Variants in RLN1 observed in about 807,000 individuals in gnomAD.
RLN1 encodes prorelaxin H1.
A neutral mutation model predicts 7.2 loss-of-function variants in RLN1; 4 were observed. That is an observed-to-expected ratio of 0.56 (90% confidence interval 0.28 to 1.28). The LOEUF (loss-of-function observed/expected upper bound fraction) is 1.28, where lower values mean the gene tolerates loss of function less well. RLN1 is among the 50% of genes most tolerant of loss of function. The pLI, the probability that RLN1 is intolerant of heterozygous loss-of-function variation, is 0.11. For missense variants in RLN1, 293 were observed against 221.1 expected (o/e 1.32, Z -2.06); for synonymous variants, 105 against 86.0 (o/e 1.22, Z -1.22).
chr9:5,340,163 C>T (rs1168026171), upstream of RLN1, among the ~76,000 whole-genome samples: 1 of 152,144 alleles, frequency 6.6e-6, no homozygotes, highest in Admixed American at 6.6e-5. Context: ...CCCAGTTTTC[C>T]AGAGTGAACA....
upstream of RLN1, among the ~76,000 whole-genome samples, chr9:5,340,729 G>A (rs1357747481): frequency 1.3e-5 from 2 of 152,142 alleles, no homozygotes; most frequent in African/African-American, 4.8e-5. Flanking sequence ...GCATTTTAAA[G>A]ATCCACACAG....
chr9:5,335,412 T>G lies in RLN1; in HGVS notation c.397A>C (p.Ile133Leu). The G allele has an allele frequency of 6.2e-7, 1 of 1,613,774 alleles. No individual in the cohort carries two copies. Among genetic ancestry groups the G allele is most frequent in the Non-Finnish European group, 8.5e-7 (1 of 1,179,826 alleles). The change falls in exon 2 of 2, where the codon ATT (isoleucine) becomes CTT (leucine). Residue 133 changes from isoleucine to leucine, a missense_variant. Ile to Leu is a conservative substitution (Grantham distance 5, BLOSUM62 2). Coordinates refer to ENST00000223862, the MANE Select transcript of RLN1 (RefSeq NM_006911.4). Reference sequence around the variant, plus strand: ...GCGGCTTCACTTTGCCTATTGCGAATAAGTTTCTTAAATTCTTCAAAGCTA... The same window carrying G: ...GCGGCTTCACTTTGCCTATTGCGAAGAAGTTTCTTAAATTCTTCAAAGCTA... ...NLSFEEFKKL[I>L]RNRQSEAADS...
rs55991586 is a variant in RLN1, at chr9:5,335,608, T to A, written c.212-11A>T. 5.3e-6 allele frequency: 8 copies of A among 1,498,256 alleles called. No individual in the cohort carries two copies. Among genetic ancestry groups the A allele is most frequent in the Non-Finnish European group, 7.3e-6 (8 of 1,097,302 alleles). 92.8% of individuals were successfully genotyped at this position (1,498,256 alleles called of 1,614,324 possible). ...AGGATGGTACAATTTCTGTTAAGTT[T>A]AAAAAAAAAGTGTATGTGAAGGCGT... is the stretch of plus-strand genomic sequence containing the variant. On this transcript the variant is annotated splice_polypyrimidine_tract_variant and intron_variant, in intron 1 of 1. Coordinates refer to ENST00000223862, the MANE Select transcript of RLN1 (RefSeq NM_006911.4).
In RLN1 at chr9:5,335,237, C is replaced by A. The variant is rs775517858; in HGVS notation, c.*14G>T. ...GTGTGAAAATTAGACAAGATGTGCA[C>A]AATTAGCTTCATCTCAGCAATATTT... On this transcript the variant is annotated 3_prime_UTR_variant, in exon 2 of 2. Transcript: ENST00000223862. 2.6e-5 allele frequency: 39 copies of A among 1,518,240 alleles called. No homozygotes were observed. The highest frequency in any genetic ancestry group is 3.5e-5 in the Non-Finnish European group (39 of 1,117,764). 94.0% of individuals were successfully genotyped at this position (1,518,240 alleles called of 1,614,324 possible).
At position 5,339,695 on chromosome 9, in the gene RLN1, G is replaced by C. The variant is rs540417859; in HGVS notation, c.52C>G (p.Gln18Glu). 39 of 1,613,286 alleles carry C rather than the reference G, an allele frequency of 2.4e-5. 1 individual carries two copies. In the South Asian group the frequency reaches 3.5e-4, roughly 15 times the overall value. Residue 18 changes from glutamine to glutamate, a missense_variant, in exon 1 of 2, where the codon CAA (glutamine) becomes GAA (glutamate). Gln to Glu is a conservative substitution (Grantham distance 29). Coordinates refer to ENST00000223862, the MANE Select transcript of RLN1 (RefSeq NM_006911.4). ...TTGGCCGCGACTGCTCTGGAAAATT[G>C]GTTCAGTAGTAAACAGAATTCTAGC... is the stretch of plus-strand genomic sequence containing the variant. Reference protein sequence around the residue: ...HLLEFCLLLNQFSRAVAAKWK... With the variant: ...HLLEFCLLLNEFSRAVAAKWK...
chr9:5,339,420 G>T (rs1404602215), intron 1 of RLN1, 116 bp downstream of exon 1: 2 of 660,712 alleles, frequency 3.0e-6, no homozygotes, highest in African/African-American at 5.1e-5. Flanking sequence ...GGGGCTGAGC[G>T]GTGGCAGCCA....
At position 5,335,139 on chromosome 9, in the gene RLN1, T is replaced by A. The variant is rs1450688938; in HGVS notation, c.*112A>T. On this transcript the variant is annotated 3_prime_UTR_variant, in exon 2 of 2. Transcript: ENST00000223862. Reference sequence around the variant, plus strand: ...CACACCAAATGAAAAATCTAAACATTAATAAAGATTTCTTATATTCTAATA... The same window carrying A: ...CACACCAAATGAAAAATCTAAACATAAATAAAGATTTCTTATATTCTAATA... The A allele has an allele frequency of 9.9e-6, 6 of 604,982 alleles. No homozygotes were observed. The African/African-American group carries it at 1.1e-4, about 11-fold the overall frequency. The allele number at this position is 604,982 out of a possible 1,614,324, so 37.5% of individuals were successfully genotyped here.
At chr9:5,336,230 G>C (rs946798918) in intron 1 of RLN1, among the ~76,000 whole-genome samples, 1 of 152,040 alleles carries the variant, frequency 6.6e-6, no homozygotes, top group Non-Finnish European at 1.5e-5. Context: ...TATTTTATAT[G>C]AAAGAGAGAA....
chr9:5,335,175 C>T lies in RLN1; in HGVS notation c.*76G>A. On this transcript the variant is annotated 3_prime_UTR_variant, in exon 2 of 2. Transcript: ENST00000223862. Reference sequence around the variant, plus strand: ...TCTTATATTCTAATAATTAGTGGGACCTGACAGAAGCATCAGTGAAATGTC... The same window carrying T: ...TCTTATATTCTAATAATTAGTGGGATCTGACAGAAGCATCAGTGAAATGTC... The T allele has an allele frequency of 1.2e-6, 1 of 802,748 alleles. No homozygotes were observed. Among genetic ancestry groups the T allele is most frequent in the Non-Finnish European group, 1.9e-6 (1 of 515,636 alleles). The allele number at this position is 802,748 out of a possible 1,614,324, so 49.7% of individuals were successfully genotyped here.
At chr9:5,336,507 C>A (rs1885497) in intron 1 of RLN1, among the ~76,000 whole-genome samples, 104,925 of 151,804 alleles carry the variant, frequency 0.69, 36,585 homozygotes, top group South Asian at 0.8. Context: ...CATTCAGCTC[C>A]GTTGAACATT....
At chr9:5,337,866 G>C (rs1431152609) in intron 1 of RLN1, among the ~76,000 whole-genome samples, 1 of 151,926 alleles carries the variant, frequency 6.6e-6, no homozygotes, top group East Asian at 1.9e-4. Flanking sequence ...ATGATTTTCA[G>C]CAACAATTTA....
intron 1 of RLN1, among the ~76,000 whole-genome samples, chr9:5,336,590 A>G (rs1029345829): frequency 1.2e-4 from 19 of 152,086 alleles, no homozygotes; most frequent in Non-Finnish European, 2.6e-4. Context: ...CTTGCTGTCA[A>G]AAAACTTACA....
Position 5,335,184 on chromosome 9 carries a change from A to C in RLN1, c.*67T>G. On this transcript the variant is annotated 3_prime_UTR_variant, in exon 2 of 2. Coordinates refer to ENST00000223862, the MANE Select transcript of RLN1 (RefSeq NM_006911.4). ...CTAATAATTAGTGGGACCTGACAGA[A>C]GCATCAGTGAAATGTCATCAAGACT... 1 of 889,538 alleles carries C rather than the reference A, an allele frequency of 1.1e-6. No individual in the cohort carries two copies. Among genetic ancestry groups the C allele is most frequent in the Non-Finnish European group, 1.7e-6 (1 of 585,884 alleles). 55.1% of individuals were successfully genotyped at this position (889,538 alleles called of 1,614,324 possible).
In RLN1 at chr9:5,335,608, TA is replaced by T. The variant is rs56993825; in HGVS notation, c.212-12del. On this transcript the variant is annotated splice_polypyrimidine_tract_variant and intron_variant, in intron 1 of 1. Transcript: ENST00000223862. ...AGGATGGTACAATTTCTGTTAAGTT[TA>T]AAAAAAAAGTGTATGTGAAGGCGTA... The T allele has an allele frequency of 1.2e-3, 1,779 of 1,491,432 alleles. 24 individuals are homozygous for T. The East Asian group carries it at 0.02, about 17-fold the overall frequency. 92.4% of individuals were successfully genotyped at this position (1,491,432 alleles called of 1,614,324 possible). A position where few individuals can be genotyped will look rare whatever the true frequency, so the allele number is the denominator to read the frequency against.
At chr9:5,335,960 A>T (rs1230182659) in intron 1 of RLN1, among the ~76,000 whole-genome samples, 1 of 152,022 alleles carries the variant, frequency 6.6e-6, no homozygotes, top group Non-Finnish European at 1.5e-5. Context: ...ATTTTCTTGG[A>T]TTCTTCTTAC....
chr9:5,337,088 G>A (rs1816911012), intron 1 of RLN1, among the ~76,000 whole-genome samples: 1 of 152,064 alleles, frequency 6.6e-6, no homozygotes, highest in African/African-American at 2.4e-5. Context: ...AATGACAGAT[G>A]AGAATTTATA....
At chr9:5,338,204 A>C (rs907518522) in intron 1 of RLN1, among the ~76,000 whole-genome samples, 1 of 94,800 alleles carries the variant, frequency 1.1e-5, no homozygotes, top group Admixed American at 1.2e-4. Flanking sequence ...CTACTTTTAT[A>C]GTCAGAAAAT....
chr9:5,337,196 T>A (rs1816914160), intron 1 of RLN1, among the ~76,000 whole-genome samples: 1 of 152,044 alleles, frequency 6.6e-6, no homozygotes, highest in Admixed American at 6.6e-5. Context: ...TGCTCCAACC[T>A]AAACTGTCTG....
In RLN1 at chr9:5,339,871, A is replaced by G. The variant is rs1816957001; in HGVS notation, c.-125T>C. 1 of 963,682 alleles carries G rather than the reference A, an allele frequency of 1.0e-6. No individual in the cohort carries two copies. Among genetic ancestry groups the G allele is most frequent in the Non-Finnish European group, 1.6e-6 (1 of 631,210 alleles). The allele number at this position is 963,682 out of a possible 1,614,324, so 59.7% of individuals were successfully genotyped here. On this transcript the variant is annotated 5_prime_UTR_variant, in exon 1 of 2. Transcript: ENST00000223862. ...TAGGCTGCTTTCCCTACCCGGCTCA[A>G]CCAGTCTTTAGTATGGGCTATCACT...
Sources: allele counts gnomAD v4.1 joint callset (sites outside exome capture counted in the v4.1 genomes callset), GRCh38; gene constraint gnomAD v4.1.1; transcripts MANE v1.5; gene names NCBI Gene and HGNC (gene_info 2026-07-23, HGNC 2026-07-21).